Variants in SUCLG2 observed in about 807,000 individuals in gnomAD.
SUCLG2 encodes the protein succinate-CoA ligase GDP-forming subunit beta, also known as succinate--CoA ligase [GDP-forming] subunit beta, mitochondrial.
A neutral mutation model predicts 47.9 loss-of-function variants in SUCLG2; 42 were observed. The observed-to-expected ratio is 0.88, with a 90% CI of 0.69 to 1.14. SUCLG2 has a LOEUF of 1.14. SUCLG2 is among the 50% of genes most tolerant of loss of function. The pLI is 0.00. For synonymous variants in SUCLG2, 195 were observed against 197.3 expected (o/e 0.99, Z 0.10); for missense variants, 571 against 525.9 (o/e 1.09, Z -0.84).
intron 2 of SUCLG2, among the ~76,000 whole-genome samples, chr3:67,607,448 T>C (rs1046247459): frequency 2.0e-5 from 3 of 152,200 alleles, no homozygotes; most frequent in Admixed American, 6.5e-5. Flanking sequence ...ATTTTTTTAA[T>C]GTGACTGTTA....
chr3:67,456,980 G>A (rs944718461), intron 9 of SUCLG2, among the ~76,000 whole-genome samples: 2 of 152,066 alleles, frequency 1.3e-5, no homozygotes, highest in Non-Finnish European at 2.9e-5. Context: ...AATTATGAAT[G>A]CATAATTTTT....
intron 10 of SUCLG2, among the ~76,000 whole-genome samples, chr3:67,365,027 GAT>G (rs1345376292): frequency 6.6e-6 from 1 of 152,106 alleles, no homozygotes; most frequent in Non-Finnish European, 1.5e-5. Flanking sequence ...AATAAAAATG[GAT>G]GAGCTGAACA....
At chr3:67,366,986 A>G (rs890973661) in intron 10 of SUCLG2, among the ~76,000 whole-genome samples, 5 of 152,208 alleles carry the variant, frequency 3.3e-5, no homozygotes, top group African/African-American at 1.2e-4. Context: ...TAGACACTGC[A>G]CTTCAAAGTT....
At chr3:67,384,004 G>A (rs1472840310) in intron 10 of SUCLG2, among the ~76,000 whole-genome samples, 8 of 152,088 alleles carry the variant, frequency 5.3e-5, no homozygotes, top group South Asian at 2.1e-4. Flanking sequence ...TCTAATTTAC[G>A]GATGATTTAA....
intron 9 of SUCLG2, among the ~76,000 whole-genome samples, chr3:67,452,930 G>A (rs963518631): frequency 5.3e-5 from 8 of 152,070 alleles, no homozygotes; most frequent in Non-Finnish European, 8.8e-5. Context: ...GCATAATCTC[G>A]CACGTTTTAA....
chr3:67,371,432 C>A (rs903360926), downstream of SUCLG2, among the ~76,000 whole-genome samples: 2 of 152,180 alleles, frequency 1.3e-5, no homozygotes, highest in Non-Finnish European at 1.5e-5. Context: ...GTGCCTCCAG[C>A]CTTTATCTCT....
intron 2 of SUCLG2, among the ~76,000 whole-genome samples, chr3:67,565,324 A>G (rs1486564641): frequency 3.3e-5 from 5 of 152,324 alleles, no homozygotes; most frequent in African/African-American, 1.2e-4. Flanking sequence ...ACTAAATACA[A>G]TATAGTCTTC....
intron 1 of SUCLG2, among the ~76,000 whole-genome samples, chr3:67,625,302 T>C (rs1487729246): frequency 6.6e-6 from 1 of 152,206 alleles, no homozygotes; most frequent in Non-Finnish European, 1.5e-5. Flanking sequence ...CCTCTGTTTG[T>C]TTATGCTAAC....
At chr3:67,420,518 ATAGAC>A (rs898770410) in intron 9 of SUCLG2, among the ~76,000 whole-genome samples, 10 of 152,196 alleles carry the variant, frequency 6.6e-5, no homozygotes, top group Non-Finnish European at 1.5e-4. Context: ...GTGGGAAATA[ATAGAC>A]TATTTTCTTG....
rs201984238 is a variant in SUCLG2 at position 67,471,582 on chromosome 3, GGTC to G, written c.1062+24213_1062+24215del. On this transcript the variant is annotated intron_variant, in intron 9 of 10. Coordinates refer to ENST00000307227, the MANE Select transcript of SUCLG2 (RefSeq NM_003848.4). ...GAACTCTCCAGAAACGGCTAAAACT[GGTC>G]TGGTCTAGGCTGACCTAGCCTTCTC... Among the ~76,000 whole-genome samples, 1,307 of 152,250 alleles carry G rather than the reference GGTC, an allele frequency of 8.6e-3. 25 individuals are homozygous for G. The highest frequency in any genetic ancestry group is 0.03 in the African/African-American group (1,246 of 41,528).
At chr3:67,594,717 T>C (rs1044258802) in intron 2 of SUCLG2, among the ~76,000 whole-genome samples, 2 of 152,178 alleles carry the variant, frequency 1.3e-5, no homozygotes, top group African/African-American at 4.8e-5. Flanking sequence ...GCTCAGAAAA[T>C]CCCTTAGCCT....
At chr3:67,561,956 C>T (rs1174904935) in intron 2 of SUCLG2, among the ~76,000 whole-genome samples, 1 of 152,154 alleles carries the variant, frequency 6.6e-6, no homozygotes, top group Non-Finnish European at 1.5e-5. Context: ...AAAGGTTCCT[C>T]CTCTACTTAT....
rs139025865 is a variant in SUCLG2, at chr3:67,387,460, C to G, written c.1184-11601G>C. 1.1e-3 allele frequency among the ~76,000 whole-genome samples: 167 copies of G among 152,288 alleles called. 2 individuals are homozygous for G. The highest frequency in any genetic ancestry group is 6.8e-3 in the Middle Eastern group (2 of 294). On this transcript the variant is annotated intron_variant, in intron 10 of 10. Transcript: ENST00000307227. The stretch of plus-strand genomic sequence containing the variant: ...GGAAATAACTAGAAATGAATGCACA[C>G]TACGATTGACCCATTCTTTCTGGGG...
chr3:67,493,745 G>A (rs1311346035), intron 9 of SUCLG2, among the ~76,000 whole-genome samples: 1 of 151,896 alleles, frequency 6.6e-6, no homozygotes, highest in African/African-American at 2.4e-5. Context: ...TGTGTGTCTC[G>A]GTATTTACAG....
chr3:67,578,257 AAAAATTTTATATATAT>A lies in SUCLG2; in HGVS notation c.226+31182_226+31197del, dbSNP rs1400017635. ...AAAATTTTACATATATCATATATAA[AAAAATTTTATATATAT>A]AAAATTTTATATATATAAAATCATA... On this transcript the variant is annotated intron_variant, in intron 2 of 10. Coordinates refer to ENST00000307227, the MANE Select transcript of SUCLG2 (RefSeq NM_003848.4). Among the ~76,000 whole-genome samples the A allele has an allele frequency of 8.6e-4, 120 of 139,374 alleles. 1 individual carries two copies. The highest frequency in any genetic ancestry group is 1.5e-3 in the Non-Finnish European group (99 of 66,612). The allele number at this position is 139,374 out of a possible 152,430, so 91.4% of individuals were successfully genotyped here.
intron 5 of SUCLG2, among the ~76,000 whole-genome samples, chr3:67,520,193 T>C (rs1002699937): frequency 2.0e-5 from 3 of 152,166 alleles, no homozygotes; most frequent in Non-Finnish European, 4.4e-5. Context: ...CTCCCATTGG[T>C]TAATTCTTGA....
chr3:67,608,580 G>A (rs1700467390), intron 2 of SUCLG2, among the ~76,000 whole-genome samples: 2 of 151,976 alleles, frequency 1.3e-5, no homozygotes, highest in African/African-American at 4.8e-5. Context: ...AAAGAGCTGG[G>A]ATGAAAACAC....
rs1219240048 is a variant in SUCLG2 at position 67,652,036 on chromosome 3, A to C, written c.84+2467T>G. Among the ~76,000 whole-genome samples, 4 of 152,198 alleles carry C rather than the reference A, an allele frequency of 2.6e-5. No homozygotes were observed. In the East Asian group the frequency reaches 7.7e-4, roughly 29 times the overall value. ...ACCATCCCCAAACCCCAGGGCCTAC[A>C]ACAGTCCTGCCAAATGGTATGGGCT... On this transcript the variant is annotated intron_variant, in intron 1 of 10. Coordinates refer to ENST00000307227, the MANE Select transcript of SUCLG2 (RefSeq NM_003848.4).
At chr3:67,461,367 T>C (rs59209151) in intron 9 of SUCLG2, among the ~76,000 whole-genome samples, 4,459 of 152,280 alleles carry the variant, frequency 0.029, 86 homozygotes, top group East Asian at 0.073. Context: ...ATTTAAGTGA[T>C]TCTTGTATTC....
Sources: gnomAD v4.1 joint callset for allele counts (sites outside exome capture counted in the v4.1 genomes callset) on GRCh38, gnomAD v4.1.1 for gene constraint, MANE v1.5 for transcripts, NCBI Gene and HGNC (gene_info 2026-07-23, HGNC 2026-07-21) for gene names.